Variants in TBC1D22A observed in about 807,000 individuals in gnomAD.
TBC1D22A encodes the protein TBC1 domain family member 22A, also known as putative GTPase activator.
TBC1D22A carries 38 observed loss-of-function variants against 60.2 expected under a neutral mutation model. The ratio of observed to expected loss-of-function variants is 0.63; its 90% CI spans 0.49 to 0.83. The LOEUF (loss-of-function observed/expected upper bound fraction) is 0.83. Among genes scored for constraint, TBC1D22A ranks in the 40% least tolerant of loss-of-function variants. The pLI is 0.00. For missense variants in TBC1D22A, 628 were observed against 701.0 expected, an observed-to-expected ratio of 0.90 and a Z score of 1.18; for synonymous variants, 302 against 281.7, an observed-to-expected ratio of 1.07 and a Z score of -0.72.
chr22:46,896,666 G>GT (rs980139246), intron 7 of TBC1D22A, among the ~76,000 whole-genome samples: 2 of 152,172 alleles, frequency 1.3e-5, no homozygotes, highest in Middle Eastern at 3.4e-3. Flanking sequence ...GTGTTGTGTT[G>GT]TTTTTTTGTC....
intron 4 of TBC1D22A, among the ~76,000 whole-genome samples, chr22:46,842,137 T>C (rs926180969): frequency 5.3e-5 from 8 of 152,236 alleles, no homozygotes; most frequent in African/African-American, 1.9e-4. Flanking sequence ...TTAAAAACTT[T>C]TCCTTAATTT....
At chr22:46,849,795 C>T (rs1285720938) in intron 4 of TBC1D22A, among the ~76,000 whole-genome samples, 2 of 152,174 alleles carry the variant, frequency 1.3e-5, no homozygotes, top group East Asian at 1.9e-4. Flanking sequence ...CCGTGACTGT[C>T]GCCTGGTCCC....
chr22:47,121,901 G>A (rs572341855), intron 12 of TBC1D22A, among the ~76,000 whole-genome samples: 3 of 152,176 alleles, frequency 2.0e-5, no homozygotes, highest in South Asian at 2.1e-4. Flanking sequence ...GTCGCACTGC[G>A]CCCGCCCCTC....
chr22:47,049,019 T>C (rs2063117530), intron 11 of TBC1D22A, among the ~76,000 whole-genome samples: 1 of 152,254 alleles, frequency 6.6e-6, no homozygotes, highest in East Asian at 1.9e-4. Flanking sequence ...TGGCCTCCTG[T>C]GTCCCCAGCA....
At chr22:46,908,463 C>G (rs2069651831) in intron 7 of TBC1D22A, among the ~76,000 whole-genome samples, 3 of 152,138 alleles carry the variant, frequency 2.0e-5, no homozygotes, top group Admixed American at 2.0e-4. Context: ...CGTTAAAGGT[C>G]ATTTTTGTTC....
chr22:46,983,149 G>A (rs1352792738), intron 9 of TBC1D22A, among the ~76,000 whole-genome samples: 2 of 152,226 alleles, frequency 1.3e-5, no homozygotes, highest in African/African-American at 4.8e-5. Flanking sequence ...ATTTTGTGGT[G>A]CAATGGGTGG....
intron 8 of TBC1D22A, among the ~76,000 whole-genome samples, chr22:46,954,949 C>A (rs1208445169): frequency 6.6e-6 from 1 of 152,166 alleles, no homozygotes; most frequent in East Asian, 1.9e-4. Flanking sequence ...TATTGAACCA[C>A]AAAATGTTAT....
intron 10 of TBC1D22A, among the ~76,000 whole-genome samples, chr22:47,003,577 G>C (rs71313077): frequency 0.24 from 33,193 of 136,262 alleles, 4,240 homozygotes; most frequent in East Asian, 0.29. Context: ...ACACATGCCT[G>C]TATACACACA....
intron 4 of TBC1D22A, among the ~76,000 whole-genome samples, chr22:46,832,560 C>T (rs552805649): frequency 8.5e-5 from 13 of 152,208 alleles, no homozygotes; most frequent in African/African-American, 2.6e-4. Context: ...GCAGGAGAAT[C>T]GCTTGAAACA....
chr22:46,793,993 G>A, intron 3 of TBC1D22A, 152 bp downstream of exon 3: 1 of 788,724 alleles, frequency 1.3e-6, no homozygotes, highest in South Asian at 1.8e-5. Context: ...CTCTTCCAAG[G>A]GTAGGGGAGT....
chr22:46,980,186 T>G (rs2074458703), intron 9 of TBC1D22A, among the ~76,000 whole-genome samples: 1 of 152,190 alleles, frequency 6.6e-6, no homozygotes, highest in Admixed American at 6.5e-5. Context: ...CAGATTTATT[T>G]ATATTTATTT....
At chr22:46,786,363 C>T (rs886126314) in intron 1 of TBC1D22A, among the ~76,000 whole-genome samples, 5 of 151,998 alleles carry the variant, frequency 3.3e-5, no homozygotes, top group African/African-American at 4.8e-5. Context: ...GGATAAATTC[C>T]ACTTGATTAT....
intron 8 of TBC1D22A, among the ~76,000 whole-genome samples, chr22:46,933,661 G>T (rs1294378469): frequency 6.6e-6 from 1 of 152,230 alleles, no homozygotes; most frequent in Non-Finnish European, 1.5e-5. Context: ...GGGTGGCACT[G>T]GCCGGCAGCC....
At chr22:46,980,081 A>G (rs1015900517) in intron 9 of TBC1D22A, among the ~76,000 whole-genome samples, 4 of 152,244 alleles carry the variant, frequency 2.6e-5, no homozygotes, top group Non-Finnish European at 5.9e-5. Flanking sequence ...CTGAGACACT[A>G]GAACAGCGAT....
chr22:46,795,153 G>A (rs945313898), intron 3 of TBC1D22A, among the ~76,000 whole-genome samples: 1 of 152,194 alleles, frequency 6.6e-6, no homozygotes, highest in Non-Finnish European at 1.5e-5. Context: ...TGGCCTTTGC[G>A]GGAGGCTTGG....
chr22:46,986,140 A>G (rs2074714870), intron 9 of TBC1D22A, among the ~76,000 whole-genome samples: 1 of 152,236 alleles, frequency 6.6e-6, no homozygotes, highest in South Asian at 2.1e-4. Flanking sequence ...ATCCTGGTGA[A>G]CATAATGCCA....
intron 11 of TBC1D22A, among the ~76,000 whole-genome samples, chr22:47,088,229 G>T (rs896847356): frequency 4.6e-5 from 7 of 152,162 alleles, no homozygotes. Flanking sequence ...TGAGCACCCT[G>T]CGGAGTCCTT....
intron 10 of TBC1D22A, among the ~76,000 whole-genome samples, chr22:46,998,890 C>G (rs1000411340): frequency 6.6e-6 from 1 of 152,256 alleles, no homozygotes; most frequent in African/African-American, 2.4e-5. Flanking sequence ...TCACCGCACG[C>G]TCCACCGCGC....
At chr22:47,097,132 C>CTGGGGCTTAGGCCA (rs1304450620) in intron 11 of TBC1D22A, among the ~76,000 whole-genome samples, 2 of 152,272 alleles carry the variant, frequency 1.3e-5, no homozygotes, top group East Asian at 1.9e-4. Flanking sequence ...CTCTTTCTGT[C>CTGGGGCTTAGGCCA]CGGGGCCTAG....
Sources: gnomAD v4.1 joint callset for allele counts (sites outside exome capture counted in the v4.1 genomes callset) on GRCh38, gnomAD v4.1.1 for gene constraint, MANE v1.5 for transcripts, NCBI Gene and HGNC (gene_info 2026-07-23, HGNC 2026-07-21) for gene names.